The following PPFIA3 variants were observed in gnomAD, a reference collection of about 807,000 sequenced individuals.
PPFIA3 encodes the protein PPFI scaffold protein A3, also known as liprin-alpha-3.
In PPFIA3, 26 loss-of-function variants were observed where a neutral mutation model predicts 145.8. That is an observed-to-expected ratio of 0.18 (90% CI 0.13 to 0.25). The LOEUF (loss-of-function observed/expected upper bound fraction) is 0.25. Ranked by LOEUF, PPFIA3 falls within the 10% of genes least tolerant of loss-of-function variation. The probability of loss-of-function intolerance (pLI) is 1.00; values close to 1 mark genes in which losing one functional copy is unlikely to be tolerated. For synonymous variants in PPFIA3, 645 were observed against 661.4 expected (o/e 0.98, Z 0.38); for missense variants, 1,008 against 1,587.8 (o/e 0.63, Z 6.21).
At chr19:49,138,503 A>G in intron 16 of PPFIA3, 76 bp downstream of exon 16, 2 of 1,265,556 alleles carry the variant, frequency 1.6e-6, no homozygotes, top group Non-Finnish European at 2.1e-6. Context: ...AGTGTACAGC[A>G]ACAATAACCC....
chr19:49,147,950 A>G, intron 23 of PPFIA3, 133 bp from the exon 24 acceptor site: 1 of 885,934 alleles, frequency 1.1e-6, no homozygotes, highest in East Asian at 2.6e-5. Flanking sequence ...CATTATCCTG[A>G]GCAGAGATTG....
intron 1 of PPFIA3, among the ~76,000 whole-genome samples, chr19:49,124,087 T>A (rs1371568051): frequency 1.3e-5 from 2 of 152,012 alleles, no homozygotes; most frequent in Admixed American, 1.3e-4. Context: ...TAGACACTTG[T>A]AAGTTCCAAG....
In PPFIA3 at chr19:49,124,622, A is replaced by G. The variant is rs77080779; in HGVS notation, c.-15-3237A>G. 5.9e-5 allele frequency among the ~76,000 whole-genome samples: 9 copies of G among 152,234 alleles called. No homozygotes were observed. In the East Asian group the frequency reaches 1.7e-3, roughly 29 times the overall value. On this transcript the variant is annotated intron_variant, in intron 1 of 29. Transcript: ENST00000334186. ...ATTGAAAGCGTGGAAGCATACGTCT[A>G]TTCCCCACCCTGTACTGTGTGTAGT...
chr19:49,127,786 G>T, intron 1 of PPFIA3, 73 bp from the exon 2 acceptor site: 1 of 1,537,418 alleles, frequency 6.5e-7, no homozygotes, highest in South Asian at 1.2e-5. Context: ...CGTGGTATCC[G>T]AGTGGCTGTG....
chr19:49,122,714 G>GGTTTTT (rs1555741934), intron 1 of PPFIA3, among the ~76,000 whole-genome samples: 1 of 114,876 alleles, frequency 8.7e-6, no homozygotes, highest in Non-Finnish European at 1.8e-5. Context: ...TTGTTTAGTT[G>GGTTTTT]TTTTTTTTTT....
At chr19:49,123,512 C>T (rs2040961915) in intron 1 of PPFIA3, among the ~76,000 whole-genome samples, 1 of 151,976 alleles carries the variant, frequency 6.6e-6, no homozygotes, top group South Asian at 2.1e-4. Context: ...GCAATCCCGG[C>T]TCACTGCAAC....
chr19:49,140,346 G>T (rs2041204530), intron 18 of PPFIA3, among the ~76,000 whole-genome samples: 1 of 151,988 alleles, frequency 6.6e-6, no homozygotes, highest in South Asian at 2.1e-4. Flanking sequence ...TTGTTTTTTG[G>T]TTTTTGTTGT....
chr19:49,136,061 T>G (rs2041133878), intron 14 of PPFIA3, 138 bp downstream of exon 14: 2 of 1,048,720 alleles, frequency 1.9e-6, no homozygotes, highest in African/African-American at 3.3e-5. Context: ...TCACCCTTTC[T>G]TCTCTCCTTC....
chr19:49,127,534 G>A lies in PPFIA3; in HGVS notation c.-15-325G>A, dbSNP rs965238251. On this transcript the variant is annotated intron_variant, in intron 1 of 29. Coordinates refer to ENST00000334186, the MANE Select transcript of PPFIA3 (RefSeq NM_003660.4). ...GGACTGCTCGAGTCTGGGTCGTTCA[G>A]GCTGCAGTGGGCCGTGATCGCGCCA... Among the ~76,000 whole-genome samples the A allele has an allele frequency of 3.9e-5, 6 of 152,060 alleles. No individual in the cohort carries two copies. The South Asian group carries it at 1.0e-3, about 26-fold the overall frequency.
chr19:49,123,980 C>T (rs974578045), intron 1 of PPFIA3, among the ~76,000 whole-genome samples: 6 of 151,976 alleles, frequency 3.9e-5, no homozygotes, highest in African/African-American at 1.5e-4. Context: ...TCCTTATTTC[C>T]AGAACAGCCC....
intron 7 of PPFIA3, among the ~76,000 whole-genome samples, chr19:49,132,513 A>G (rs903880730): frequency 1.3e-5 from 2 of 151,190 alleles, no homozygotes; most frequent in African/African-American, 4.9e-5. Flanking sequence ...GGGCTACCAG[A>G]TGAGGGTCCA....
chr19:49,127,761 C>T, intron 1 of PPFIA3, 98 bp from the exon 2 acceptor site: 1 of 1,437,660 alleles, frequency 7.0e-7, no homozygotes. Context: ...GGTTTGCCCC[C>T]AACTATTTCC....
chr19:49,149,387 G>GGGGGC lies in PPFIA3; in HGVS notation c.3354+68_3354+72dup. 2 of 1,603,900 alleles carry GGGGGC rather than the reference G, an allele frequency of 1.2e-6. No homozygotes were observed. Among genetic ancestry groups the GGGGGC allele is most frequent in the Non-Finnish European group, 8.5e-7 (1 of 1,171,314 alleles). On this transcript the variant is annotated intron_variant, in intron 27 of 29. Coordinates refer to ENST00000334186, the MANE Select transcript of PPFIA3 (RefSeq NM_003660.4). This position sits in a 1 kb window ranked among gnomAD's most constrained non-coding sequence, Gnocchi z 5.7. The stretch of plus-strand genomic sequence containing the variant: ...GCGGCTCCTCGAGAGGCTGAGCTGA[G>GGGGGC]GGGGCGGGGCCTGACTATTAATGGT...
chr19:49,132,390 C>CAAAAAAAAAAAAAAAA (rs11351172), intron 7 of PPFIA3, among the ~76,000 whole-genome samples: 1 of 43,674 alleles, frequency 2.3e-5, no homozygotes, highest in African/African-American at 1.0e-4. Flanking sequence ...CTCTCTCTCT[C>CAAAAAAAAAAAAAAAA]AAAAAAAAAA....
chr19:49,146,516 C>G, intron 23 of PPFIA3: 2 of 415,398 alleles, frequency 4.8e-6, no homozygotes, highest in South Asian at 3.2e-5. Context: ...GTGGAGGGGG[C>G]GGGGGCTACA....
chr19:49,133,489 G>A lies in PPFIA3; in HGVS notation c.1161+118G>A. The A allele has an allele frequency of 1.6e-6, 2 of 1,283,070 alleles. No individual in the cohort carries two copies. Among genetic ancestry groups the A allele is most frequent in the Non-Finnish European group, 2.1e-6 (2 of 958,136 alleles). 79.5% of individuals were successfully genotyped at this position (1,283,070 alleles called of 1,614,324 possible). ...CAGAACCCCGGATTTGGGGGAAAGG[G>A]TGGGGCCTAGGGGCTGGGAAAGGGA... is the stretch of plus-strand genomic sequence containing the variant. On this transcript the variant is annotated intron_variant, in intron 9 of 29. Coordinates refer to ENST00000334186, the MANE Select transcript of PPFIA3 (RefSeq NM_003660.4). The surrounding 1 kb of genome is among the most constrained non-coding windows in gnomAD (Gnocchi z 7.2).
At position 49,120,689 on chromosome 19, in the gene PPFIA3, G is replaced by A. The variant is rs559238842; in HGVS notation, c.-16+967G>A. 6.6e-6 allele frequency among the ~76,000 whole-genome samples: 1 copy of A among 152,252 alleles called. No individual in the cohort carries two copies. The highest frequency in any genetic ancestry group is 1.5e-5 in the Non-Finnish European group (1 of 68,006). ...GGCGCCATGACTCCTTTCCTTTGGG[G>A]GACCCGGAATGTGATTCTCAATGCA... On this transcript the variant is annotated intron_variant, in intron 1 of 29. Transcript: ENST00000334186. This position sits in a 1 kb window ranked among gnomAD's most constrained non-coding sequence, Gnocchi z 4.6.
chr19:49,145,290 G>A (rs568718221), intron 21 of PPFIA3, among the ~76,000 whole-genome samples: 3 of 151,988 alleles, frequency 2.0e-5, no homozygotes, highest in Admixed American at 2.0e-4. Flanking sequence ...AAAGTGATGT[G>A]CCCGCCTCAG....
rs1382468734 is a variant in PPFIA3 at position 49,139,649 on chromosome 19, C to T, written c.2077-19C>T. On this transcript the variant is annotated intron_variant, in intron 16 of 29. Transcript: ENST00000334186. ...TGACTCTTTGAACTCAATCCAGCAT[C>T]TGTGCCCTCTGTCCTCAGAATCATG... The T allele has an allele frequency of 6.4e-7, 1 of 1,555,426 alleles. No homozygotes were observed. Among genetic ancestry groups the T allele is most frequent in the Non-Finnish European group, 8.7e-7 (1 of 1,152,760 alleles).
Sources: gnomAD v4.1 joint callset for allele counts (sites outside exome capture counted in the v4.1 genomes callset) on GRCh38, gnomAD v4.1.1 for gene constraint, Gnocchi (gnomAD v3.1) non-coding constraint, MANE v1.5 for transcripts, NCBI Gene and HGNC (gene_info 2026-07-23, HGNC 2026-07-21) for gene names.